P4HA1: variants seen among roughly 807,000 people sequenced by gnomAD.
The protein encoded by P4HA1 is prolyl 4-hydroxylase subunit alpha 1, also known as prolyl 4-hydroxylase subunit alpha-1.
A neutral mutation model predicts 72.8 loss-of-function variants in P4HA1; 24 were observed. The observed-to-expected ratio is 0.33, with a 90% CI of 0.24 to 0.46. The LOEUF (loss-of-function observed/expected upper bound fraction) is 0.46. Among genes scored for constraint, P4HA1 ranks in the 20% least tolerant of loss-of-function variants. The pLI, the probability that P4HA1 is intolerant of heterozygous loss-of-function variation, is 1.00. For missense variants in P4HA1, 446 were observed against 640.6 expected (o/e 0.70, Z 3.28); for synonymous variants, 201 against 218.8 (o/e 0.92, Z 0.72).
chr10:73,089,347 C>T (rs1426234936), intron 1 of P4HA1, among the ~76,000 whole-genome samples: 1 of 152,048 alleles, frequency 6.6e-6, no homozygotes, highest in Non-Finnish European at 1.5e-5. Flanking sequence ...TTTGAAGAGT[C>T]ACAGACATGT....
chr10:73,046,115 TA>T (rs1027008564), intron 8 of P4HA1, among the ~76,000 whole-genome samples: 2 of 152,168 alleles, frequency 1.3e-5, no homozygotes, highest in African/African-American at 4.8e-5. Flanking sequence ...ATGGCAGAAC[TA>T]AATAGTCATG....
intron 9 of P4HA1, among the ~76,000 whole-genome samples, chr10:73,037,162 T>C (rs902551282): frequency 3.3e-5 from 5 of 152,132 alleles, no homozygotes; most frequent in African/African-American, 1.2e-4. Context: ...CAGATAACTT[T>C]ATATGTGTCC....
intron 9 of P4HA1, among the ~76,000 whole-genome samples, chr10:73,038,131 C>T (rs1465958750): frequency 4.6e-5 from 7 of 151,966 alleles, no homozygotes; most frequent in Non-Finnish European, 4.4e-5. Context: ...GGTGTGCACC[C>T]GTAGCCCCAG....
At chr10:73,050,859 C>T (rs188113392) in intron 7 of P4HA1, among the ~76,000 whole-genome samples, 194 bp downstream of exon 7, 2 of 152,242 alleles carry the variant, frequency 1.3e-5, no homozygotes, top group African/African-American at 4.8e-5. Context: ...TGTACACCAG[C>T]ATGCCCAGCT....
chr10:73,017,085 ATATC>A (rs1272284810), intron 10 of P4HA1, among the ~76,000 whole-genome samples, 186 bp from the exon 11 acceptor site: 3 of 151,998 alleles, frequency 2.0e-5, no homozygotes, highest in Admixed American at 6.6e-5. Flanking sequence ...CAGCTACTAT[ATATC>A]TATGTACAGA....
chr10:73,052,482 T>C (rs1426415528), intron 6 of P4HA1, among the ~76,000 whole-genome samples: 1 of 152,212 alleles, frequency 6.6e-6, no homozygotes. Context: ...TCTGTATCTT[T>C]CTCTGTTTTA....
intron 5 of P4HA1, among the ~76,000 whole-genome samples, chr10:73,057,013 T>C (rs1841166269): frequency 6.9e-6 from 1 of 145,066 alleles, no homozygotes; most frequent in Non-Finnish European, 1.5e-5. Context: ...TGAGCCAAGA[T>C]CACGCCACTG....
In P4HA1 at chr10:73,007,266, A is replaced by C. The variant is rs1839814535; in HGVS notation, c.*956T>G. The C allele has an allele frequency of 6.6e-6, 1 of 151,664 alleles. No homozygotes were observed. The highest frequency in any genetic ancestry group is 2.1e-4 in the South Asian group (1 of 4,834). 9.4% of individuals were successfully genotyped at this position (151,664 alleles called of 1,614,324 possible). On this transcript the variant is annotated 3_prime_UTR_variant, in exon 15 of 15. Coordinates refer to ENST00000394890, the MANE Select transcript of P4HA1 (RefSeq NM_001017962.3). The stretch of plus-strand genomic sequence containing the variant: ...ATAAATAGGTCATTGTTGTCACAAC[A>C]CATTTCAGAATCTTAAAAAAACAAA...
At chr10:73,076,510 T>C (rs1404910355) in intron 1 of P4HA1, among the ~76,000 whole-genome samples, 2 of 152,200 alleles carry the variant, frequency 1.3e-5, no homozygotes, top group African/African-American at 4.8e-5. Flanking sequence ...GCCTAAGACA[T>C]GTCTATGGCC....
intron 6 of P4HA1, among the ~76,000 whole-genome samples, chr10:73,052,588 CTTGAT>C (rs1841045857): frequency 6.6e-6 from 1 of 152,294 alleles, no homozygotes; most frequent in Admixed American, 6.5e-5. Flanking sequence ...GAACCAATAT[CTTGAT>C]TTATTATTAC....
chr10:73,083,597 G>A (rs933991444), intron 1 of P4HA1, among the ~76,000 whole-genome samples: 19 of 152,070 alleles, frequency 1.2e-4, no homozygotes, highest in Non-Finnish European at 4.4e-5. Flanking sequence ...TTTTGCTTAT[G>A]ACACCTCCTC....
At chr10:73,045,885 A>C (rs573595116) in intron 8 of P4HA1, among the ~76,000 whole-genome samples, 5 of 151,776 alleles carry the variant, frequency 3.3e-5, no homozygotes, top group Non-Finnish European at 7.4e-5. Flanking sequence ...AAAAAAAAAA[A>C]AACCACCAAT....
At chr10:73,088,877 G>A (rs1453049040) in intron 1 of P4HA1, among the ~76,000 whole-genome samples, 1 of 152,198 alleles carries the variant, frequency 6.6e-6, no homozygotes, top group African/African-American at 2.4e-5. Flanking sequence ...CAATACCACA[G>A]TCTTGGTTAT....
chr10:73,086,630 A>T (rs1003633050), intron 1 of P4HA1, among the ~76,000 whole-genome samples: 44 of 152,244 alleles, frequency 2.9e-4, no homozygotes, highest in South Asian at 1.5e-3. Flanking sequence ...AAACTGTTTT[A>T]AAAAAATTAA....
chr10:73,019,403 T>C (rs1840082720), intron 10 of P4HA1, among the ~76,000 whole-genome samples: 1 of 151,858 alleles, frequency 6.6e-6, no homozygotes. Flanking sequence ...AGAATGTAAC[T>C]CTCTAGTTAC....
chr10:73,067,550 C>A (rs577424695), intron 5 of P4HA1, among the ~76,000 whole-genome samples: 1 of 152,256 alleles, frequency 6.6e-6, no homozygotes, highest in African/African-American at 2.4e-5. Flanking sequence ...CCACCTGGTG[C>A]GTTCACCTCT....
chr10:73,024,360 A>C (rs1250262114), intron 10 of P4HA1, among the ~76,000 whole-genome samples: 5 of 152,246 alleles, frequency 3.3e-5, no homozygotes. Flanking sequence ...ACACAACTAC[A>C]TGGAAACTGA....
intron 5 of P4HA1, among the ~76,000 whole-genome samples, chr10:73,066,086 G>A (rs536342171): frequency 6.6e-6 from 1 of 152,184 alleles, no homozygotes; most frequent in Non-Finnish European, 1.5e-5. Flanking sequence ...CTAAACAAGG[G>A]AAGGTGCACA....
At chr10:73,092,352 T>C (rs1019352604) in intron 1 of P4HA1, among the ~76,000 whole-genome samples, 9 of 145,714 alleles carry the variant, frequency 6.2e-5, no homozygotes, top group East Asian at 5.9e-4. Context: ...TTTTCTTTTT[T>C]TTTTTTTTTT....
Sources: allele counts gnomAD v4.1 joint callset (sites outside exome capture counted in the v4.1 genomes callset), GRCh38; gene constraint gnomAD v4.1.1; transcripts MANE v1.5; gene names NCBI Gene and HGNC (gene_info 2026-07-23, HGNC 2026-07-21).